Variants in TENM4 observed in about 807,000 individuals in gnomAD.
The protein encoded by TENM4 is teneurin-4.
Under a neutral mutation model 243.3 loss-of-function variants are expected in TENM4, and 82 were observed. The observed-to-expected ratio is 0.34, with a 90% CI of 0.28 to 0.40. TENM4 has a LOEUF of 0.40. Among genes scored for constraint, TENM4 ranks in the 10% least tolerant of loss-of-function variants. The pLI is 1.00. For synonymous variants in TENM4, 1,412 were observed against 1,456.3 expected (o/e 0.97, Z 0.69); for missense variants, 3,138 against 3,673.3 (o/e 0.85, Z 3.77).
chr11:79,425,163 G>A (rs575664248), intron 1 of TENM4, among the ~76,000 whole-genome samples: 142 of 152,200 alleles, frequency 9.3e-4, no homozygotes, highest in African/African-American at 3.3e-3. Context: ...CTTACTGATT[G>A]GATTAATCAG....
intron 6 of TENM4, among the ~76,000 whole-genome samples, chr11:78,961,785 T>A (rs1430663144): frequency 1.6e-5 from 1 of 63,222 alleles, no homozygotes; most frequent in Non-Finnish European, 3.9e-5. Flanking sequence ...TGTCTTAACC[T>A]TTTTTTTTTT....
At chr11:79,008,371 T>C (rs1297056876) in intron 6 of TENM4, among the ~76,000 whole-genome samples, 3 of 152,128 alleles carry the variant, frequency 2.0e-5, no homozygotes, top group Non-Finnish European at 1.5e-5. Flanking sequence ...TTACTTCCCT[T>C]CTTTAGAAAC....
intron 27 of TENM4, among the ~76,000 whole-genome samples, chr11:78,703,828 G>A (rs1859164486): frequency 2.6e-5 from 4 of 151,986 alleles, no homozygotes; most frequent in Admixed American, 1.3e-4. Flanking sequence ...TTAAGCAAGT[G>A]TATACCTTTA....
Position 78,973,191 on chromosome 11 carries a change from G to T in TENM4, c.494-69668C>A, listed in dbSNP as rs1857580546. Among the ~76,000 whole-genome samples the T allele has an allele frequency of 3.9e-5, 6 of 152,264 alleles. No homozygotes were observed. The South Asian group carries it at 1.2e-3, about 32-fold the overall frequency. Reference sequence around the variant, plus strand: ...GTGAGAGTATGTTTTTACCTCTTTTGGGTATACACCTAGGAGTGGAATTGC... The same window carrying T: ...GTGAGAGTATGTTTTTACCTCTTTTTGGTATACACCTAGGAGTGGAATTGC... On this transcript the variant is annotated intron_variant, in intron 6 of 33. Coordinates refer to ENST00000278550, the MANE Select transcript of TENM4 (RefSeq NM_001098816.3).
At chr11:79,431,234 A>G (rs1859162582) in intron 1 of TENM4, among the ~76,000 whole-genome samples, 1 of 152,222 alleles carries the variant, frequency 6.6e-6, no homozygotes, top group Non-Finnish European at 1.5e-5. Flanking sequence ...TATAGTGTTT[A>G]GTATTTTTTA....
chr11:79,272,563 C>T (rs890739271), intron 2 of TENM4, among the ~76,000 whole-genome samples: 2 of 152,080 alleles, frequency 1.3e-5, no homozygotes. Flanking sequence ...AGCCACATTC[C>T]AAGTCCTCAA....
intron 6 of TENM4, among the ~76,000 whole-genome samples, chr11:78,969,455 C>T (rs1353556529): frequency 6.6e-6 from 1 of 152,180 alleles, no homozygotes; most frequent in South Asian, 2.1e-4. Flanking sequence ...TTCAACCATT[C>T]TGGATTCTTA....
intron 6 of TENM4, among the ~76,000 whole-genome samples, chr11:79,048,201 ACT>A (rs1372322731): frequency 2.0e-5 from 3 of 152,172 alleles, no homozygotes; most frequent in Admixed American, 6.5e-5. Flanking sequence ...AGACAAGGCA[ACT>A]CTGACTGTAA....
chr11:79,291,196 T>C (rs1856350702), intron 2 of TENM4, among the ~76,000 whole-genome samples: 1 of 152,122 alleles, frequency 6.6e-6, no homozygotes, highest in African/African-American at 2.4e-5. Context: ...GACCCTAGGA[T>C]GCACGGGGAA....
chr11:78,896,179 C>T (rs1855790704), intron 7 of TENM4, among the ~76,000 whole-genome samples: 1 of 152,186 alleles, frequency 6.6e-6, no homozygotes, highest in South Asian at 2.1e-4. Flanking sequence ...GCCGTGTTTC[C>T]ACCCACAAAG....
At chr11:78,667,024 C>A (rs1435240260) in intron 32 of TENM4, among the ~76,000 whole-genome samples, 1 of 152,072 alleles carries the variant, frequency 6.6e-6, no homozygotes, top group African/African-American at 2.4e-5. Flanking sequence ...AGACATCTCA[C>A]AGGAAACTCA....
intron 6 of TENM4, among the ~76,000 whole-genome samples, chr11:78,948,949 T>G (rs1437825518): frequency 2.0e-5 from 3 of 152,214 alleles, no homozygotes; most frequent in Non-Finnish European, 2.9e-5. Flanking sequence ...GAGACGTACA[T>G]CTTACTGCGT....
At chr11:79,227,032 T>A (rs1472668581) in intron 2 of TENM4, among the ~76,000 whole-genome samples, 2 of 152,190 alleles carry the variant, frequency 1.3e-5, no homozygotes, top group South Asian at 2.1e-4. Context: ...CCTTGCTGAC[T>A]GGCTTCCGGG....
chr11:79,368,676 C>T (rs1374128279), intron 1 of TENM4, among the ~76,000 whole-genome samples: 4 of 152,218 alleles, frequency 2.6e-5, no homozygotes, highest in Admixed American at 2.6e-4. Context: ...TGATTTTCCT[C>T]ATCTGAAGAA....
At chr11:78,978,684 A>C (rs1184798700) in intron 6 of TENM4, among the ~76,000 whole-genome samples, 1 of 152,176 alleles carries the variant, frequency 6.6e-6, no homozygotes. Context: ...AGGGCACTAG[A>C]TTGGGAAAAA....
chr11:79,150,329 A>G (rs1862479388), intron 3 of TENM4, among the ~76,000 whole-genome samples: 1 of 152,162 alleles, frequency 6.6e-6, no homozygotes, highest in South Asian at 2.1e-4. Context: ...CTTGGGTGCC[A>G]GAACATCAGT....
chr11:79,280,151 A>C (rs919571073), intron 2 of TENM4, among the ~76,000 whole-genome samples: 1 of 152,228 alleles, frequency 6.6e-6, no homozygotes, highest in Non-Finnish European at 1.5e-5. Context: ...TGTTCTTTAT[A>C]AATTACCCAA....
At chr11:78,960,718 C>T (rs971559434) in intron 6 of TENM4, among the ~76,000 whole-genome samples, 1 of 152,212 alleles carries the variant, frequency 6.6e-6, no homozygotes, top group Non-Finnish European at 1.5e-5. Context: ...GTAGAGGCTT[C>T]TTCCTCAGTC....
intron 4 of TENM4, among the ~76,000 whole-genome samples, chr11:79,147,836 G>C (rs1032834257): frequency 5.9e-5 from 9 of 152,110 alleles, no homozygotes; most frequent in African/African-American, 2.2e-4. Context: ...GTCAGCAAGT[G>C]ATAGGGCTTG....
Sources: gnomAD v4.1 joint callset for allele counts (sites outside exome capture counted in the v4.1 genomes callset) on GRCh38, gnomAD v4.1.1 for gene constraint, MANE v1.5 for transcripts, NCBI Gene and HGNC (gene_info 2026-07-23, HGNC 2026-07-21) for gene names.